PDE10A: variants seen among roughly 807,000 people sequenced by gnomAD.
PDE10A encodes the protein cAMP and cAMP-inhibited cGMP 3',5'-cyclic phosphodiesterase 10A.
Under a neutral mutation model 97.7 loss-of-function variants are expected in PDE10A, and 39 were observed. The ratio of observed to expected loss-of-function variants is 0.40; its 90% CI spans 0.31 to 0.52. PDE10A has a LOEUF of 0.52. Among genes scored for constraint, PDE10A ranks in the 20% least tolerant of loss-of-function variants. The probability of loss-of-function intolerance (pLI) is 0.56; values close to 1 mark genes in which losing one functional copy is unlikely to be tolerated. For synonymous variants in PDE10A, 371 were observed against 376.8 expected (o/e 0.98, Z 0.18); for missense variants, 731 against 1,047.8 (o/e 0.70, Z 4.17).
intron 1 of PDE10A, among the ~76,000 whole-genome samples, chr6:165,906,936 G>T (rs1042395519): frequency 6.6e-6 from 1 of 152,180 alleles, no homozygotes; most frequent in African/African-American, 2.4e-5. Flanking sequence ...TTCGCTCCTG[G>T]GTTGCAGAAG....
intron 1 of PDE10A, among the ~76,000 whole-genome samples, chr6:165,739,531 A>C (rs533579557): frequency 2.3e-4 from 35 of 152,318 alleles, no homozygotes; most frequent in African/African-American, 7.7e-4. Context: ...GAAGCTGTGA[A>C]AATGCTAGAA....
At chr6:165,954,675 G>A (rs528890733) in intron 1 of PDE10A, among the ~76,000 whole-genome samples, 14 of 152,146 alleles carry the variant, frequency 9.2e-5, no homozygotes, top group East Asian at 1.9e-4. Flanking sequence ...GTTGCAAGGC[G>A]GGCACAGCAA....
At chr6:165,783,377 C>A (rs4709985) in intron 1 of PDE10A, among the ~76,000 whole-genome samples, 93,649 of 151,992 alleles carry the variant, frequency 0.62, 29,419 homozygotes, top group East Asian at 0.86. Flanking sequence ...AGATTTTTAT[C>A]CCCCACTGTA....
intron 10 of PDE10A, among the ~76,000 whole-genome samples, chr6:165,419,238 G>A (rs1423764230): frequency 6.6e-6 from 1 of 152,208 alleles, no homozygotes. Flanking sequence ...TGCAGCAGGT[G>A]TAAAAGCTAT....
intron 2 of PDE10A, among the ~76,000 whole-genome samples, chr6:165,520,855 A>T (rs1476220417): frequency 6.6e-6 from 1 of 152,146 alleles, no homozygotes; most frequent in Non-Finnish European, 1.5e-5. Flanking sequence ...GACCAGTGAG[A>T]AAAGGAAGCT....
intron 1 of PDE10A, among the ~76,000 whole-genome samples, chr6:165,977,467 C>G (rs182502008): frequency 5.9e-5 from 9 of 152,304 alleles, no homozygotes; most frequent in Admixed American, 5.2e-4. Flanking sequence ...CTTAAATGAA[C>G]AAGCACCAAA....
At chr6:165,336,830 A>C (rs551484939) in intron 20 of PDE10A, among the ~76,000 whole-genome samples, 1 of 152,026 alleles carries the variant, frequency 6.6e-6, no homozygotes, top group Non-Finnish European at 1.5e-5. Context: ...TTTCGCTAAT[A>C]GATCAGTCAG....
At chr6:165,652,512 A>G (rs931108995) in intron 1 of PDE10A, among the ~76,000 whole-genome samples, 41 of 152,208 alleles carry the variant, frequency 2.7e-4, no homozygotes, top group Non-Finnish European at 4.9e-4. Flanking sequence ...ATAACACTTT[A>G]GATGTTTATT....
At chr6:165,419,083 G>A (rs1036600889) in intron 10 of PDE10A, among the ~76,000 whole-genome samples, 1 of 152,138 alleles carries the variant, frequency 6.6e-6, no homozygotes, top group Non-Finnish European at 1.5e-5. Context: ...GTTTTAGTTG[G>A]TAAGCAGCTG....
At chr6:165,862,571 G>C (rs140056051) in intron 1 of PDE10A, among the ~76,000 whole-genome samples, 2 of 152,160 alleles carry the variant, frequency 1.3e-5, no homozygotes, top group African/African-American at 4.8e-5. Flanking sequence ...AAACCCAGAA[G>C]AGCAGTAAAT....
rs1781100453 is a variant in PDE10A at position 165,327,294 on chromosome 6, T to A, written c.*5731A>T. 6.6e-6 allele frequency: 1 copy of A among 152,242 alleles called. No homozygotes were observed. The highest frequency in any genetic ancestry group is 2.4e-5 in the African/African-American group (1 of 41,456). The allele number at this position is 152,242 out of a possible 1,614,324, so 9.4% of individuals were successfully genotyped here. ...CAAGTGATATACGTGAAAGATATTT[T>A]AAAAACTCTGTATTCAATTATTCAC... On this transcript the variant is annotated 3_prime_UTR_variant, in exon 22 of 22. Coordinates refer to ENST00000539869, the MANE Select transcript of PDE10A (RefSeq NM_001385079.1).
At chr6:165,880,965 T>C (rs1421573512) in intron 1 of PDE10A, among the ~76,000 whole-genome samples, 1 of 152,258 alleles carries the variant, frequency 6.6e-6, no homozygotes, top group Non-Finnish European at 1.5e-5. Context: ...TTTTGTCATT[T>C]CATAAGAGTT....
chr6:165,375,585 A>G (rs1271933108), intron 18 of PDE10A, among the ~76,000 whole-genome samples: 2 of 152,254 alleles, frequency 1.3e-5, no homozygotes, highest in African/African-American at 4.8e-5. Flanking sequence ...TCTAACTAAG[A>G]TAACGGATGA....
intron 2 of PDE10A, among the ~76,000 whole-genome samples, chr6:165,536,595 T>C (rs1783099797): frequency 6.9e-6 from 1 of 145,878 alleles, no homozygotes; most frequent in Non-Finnish European, 1.5e-5. Context: ...CTCAAACAGA[T>C]CAATAGTAAA....
chr6:165,366,717 A>G (rs956580794), intron 18 of PDE10A, among the ~76,000 whole-genome samples: 1 of 152,206 alleles, frequency 6.6e-6, no homozygotes, highest in Non-Finnish European at 1.5e-5. Context: ...GAAAGCAGGG[A>G]GAACCACAGA....
chr6:165,536,695 GA>G (rs912493958), intron 2 of PDE10A, among the ~76,000 whole-genome samples: 5 of 151,746 alleles, frequency 3.3e-5, no homozygotes, highest in African/African-American at 1.2e-4. Context: ...ACAGGTATAT[GA>G]AAAAATGCTC....
intron 1 of PDE10A, among the ~76,000 whole-genome samples, chr6:165,835,460 C>G (rs1049120366): frequency 6.6e-6 from 1 of 152,202 alleles, no homozygotes; most frequent in African/African-American, 2.4e-5. Context: ...GAGGCCAAGG[C>G]GAGGACAGCA....
At position 165,943,283 on chromosome 6, in the gene PDE10A, G is replaced by GAA. The variant is rs1480734909; in HGVS notation, c.-615+44244_-615+44245dup. Among the ~76,000 whole-genome samples the GAA allele has an allele frequency of 3.9e-3, 475 of 121,164 alleles. 30 individuals are homozygous for GAA. Among genetic ancestry groups the GAA allele is most frequent in the Middle Eastern group, 0.017 (4 of 236 alleles). 79.5% of individuals were successfully genotyped at this position (121,164 alleles called of 152,430 possible). On this transcript the variant is annotated intron_variant, in intron 1 of 19. Coordinates refer to the PDE10A transcript ENST00000366882. ...GGAAGGAAGGAAGGAAGGAAAGAAAGAAAGAAAGAAGGAAAGAAAGAAAGA... is the reference window on the plus strand; with the variant it reads ...GGAAGGAAGGAAGGAAGGAAAGAAAGAAAAAGAAAGAAGGAAAGAAAGAAAGA...
intron 1 of PDE10A, among the ~76,000 whole-genome samples, chr6:165,984,993 AAGG>A (rs1785141414): frequency 6.6e-6 from 1 of 152,226 alleles, no homozygotes. Flanking sequence ...TGTGACGTCA[AAGG>A]AGAAGAGCCA....
Sources: gnomAD v4.1 joint callset for allele counts (sites outside exome capture counted in the v4.1 genomes callset) on GRCh38, gnomAD v4.1.1 for gene constraint, MANE v1.5 for transcripts, NCBI Gene and HGNC (gene_info 2026-07-23, HGNC 2026-07-21) for gene names.